The following SCN10A variants were observed in gnomAD, a reference collection of about 807,000 sequenced individuals.
The protein encoded by SCN10A is sodium channel protein type 10 subunit alpha.
SCN10A carries 162 observed loss-of-function variants against 170.7 expected under a neutral mutation model. That is an observed-to-expected ratio of 0.95 (90% confidence interval 0.84 to 1.08). The LOEUF is 1.08. SCN10A is among the 50% of genes least tolerant of loss of function. SCN10A has a pLI of 0.00. For missense variants in SCN10A, 2,527 were observed against 2,436.9 expected, an observed-to-expected ratio of 1.04 and a Z score of -0.78; for synonymous variants, 985 against 904.6, an observed-to-expected ratio of 1.09 and a Z score of -1.59.
intron 21 of SCN10A, among the ~76,000 whole-genome samples, chr3:38,714,906 ATCTTAGC>A (rs1478984106): frequency 1.3e-5 from 2 of 152,172 alleles, no homozygotes; most frequent in Non-Finnish European, 2.9e-5. Flanking sequence ...GTCCTGTGAG[ATCTTAGC>A]CACACCACAG....
intron 13 of SCN10A, among the ~76,000 whole-genome samples, chr3:38,748,275 T>A (rs1455583640): frequency 6.6e-6 from 1 of 152,170 alleles, no homozygotes; most frequent in South Asian, 2.1e-4. Context: ...AAGTACAGAC[T>A]CTATTACAAT....
intron 25 of SCN10A, among the ~76,000 whole-genome samples, chr3:38,708,330 A>G (rs536446347): frequency 1.3e-5 from 2 of 152,268 alleles, no homozygotes; most frequent in African/African-American, 2.4e-5. Context: ...TCACTAGCTC[A>G]TCTCCTTCCG....
intron 1 of SCN10A, among the ~76,000 whole-genome samples, chr3:38,795,281 C>T (rs1417638683): frequency 2.0e-5 from 3 of 151,882 alleles, no homozygotes; most frequent in Admixed American, 6.6e-5. Context: ...CAAGAGATTG[C>T]CTTGTGGCTA....
At chr3:38,765,728 T>G (rs2063925025) in intron 5 of SCN10A, among the ~76,000 whole-genome samples, 1 of 152,192 alleles carries the variant, frequency 6.6e-6, no homozygotes, top group Non-Finnish European at 1.5e-5. Flanking sequence ...CTATGAATTT[T>G]AGGGTTGTTA....
chr3:38,735,327 C>T (rs1200546764), intron 15 of SCN10A, among the ~76,000 whole-genome samples: 1 of 151,892 alleles, frequency 6.6e-6, no homozygotes, highest in Non-Finnish European at 1.5e-5. Flanking sequence ...TATCAAAATG[C>T]TAGCCAAAAA....
chr3:38,763,402 G>A (rs2063897417), intron 6 of SCN10A, 103 bp downstream of exon 6: 7 of 880,388 alleles, frequency 8.0e-6, no homozygotes, highest in South Asian at 2.9e-5. Flanking sequence ...CTTGTAAGTG[G>A]GGACAATAGT....
intron 26 of SCN10A, among the ~76,000 whole-genome samples, chr3:38,706,594 C>A (rs1031661901): frequency 6.6e-6 from 1 of 152,150 alleles, no homozygotes; most frequent in Non-Finnish European, 1.5e-5. Flanking sequence ...CTCTCAGAGG[C>A]TTGATGTTTT....
intron 1 of SCN10A, among the ~76,000 whole-genome samples, chr3:38,803,771 G>T (rs1479069612): frequency 2.0e-5 from 3 of 151,842 alleles, no homozygotes; most frequent in Admixed American, 2.0e-4. Context: ...CACATTGTGC[G>T]CATGTACCCT....
chr3:38,723,339 T>G, intron 19 of SCN10A, 91 bp downstream of exon 19: 9 of 1,509,582 alleles, frequency 6.0e-6, no homozygotes, highest in Non-Finnish European at 8.2e-6. Context: ...ACAGCTTGTT[T>G]GTCTTCTGTG....
At chr3:38,760,654 G>T (rs370435340) in intron 8 of SCN10A, 27 bp downstream of exon 8, 4 of 1,587,076 alleles carry the variant, frequency 2.5e-6, no homozygotes, top group Non-Finnish European at 3.5e-6. Context: ...TTGGGCACTC[G>T]TGCTTTGTCA....
At chr3:38,813,560 G>A (rs998369156) in intron 1 of SCN10A, among the ~76,000 whole-genome samples, 7 of 152,102 alleles carry the variant, frequency 4.6e-5, no homozygotes, top group African/African-American at 1.2e-4. Context: ...TTGATGAAAC[G>A]GACCCTAACC....
intron 1 of SCN10A, among the ~76,000 whole-genome samples, chr3:38,815,548 A>G (rs935546703): frequency 5.3e-5 from 8 of 152,188 alleles, no homozygotes; most frequent in African/African-American, 1.9e-4. Flanking sequence ...AGTTTAGGAC[A>G]AAACGTCTTG....
rs994631841 is a variant in SCN10A at position 38,789,106 on chromosome 3, T to C, written c.390-70A>G. 5 of 858,640 alleles carry C rather than the reference T, an allele frequency of 5.8e-6. No individual in the cohort carries two copies. In the African/African-American group the frequency reaches 6.7e-5, roughly 11 times the overall value. 53.2% of individuals were successfully genotyped at this position (858,640 alleles called of 1,614,324 possible). On this transcript the variant is annotated intron_variant, in intron 3 of 27. Coordinates refer to ENST00000449082, the MANE Select transcript of SCN10A (RefSeq NM_006514.4). The stretch of plus-strand genomic sequence containing the variant: ...GTGATGTCATCTAGGATCACCTTGA[T>C]GCTGAATGATTACATTCATAAATCT...
At chr3:38,736,361 C>CTGTGTGTGTGTGTGTGTG (rs68001863) in intron 15 of SCN10A, among the ~76,000 whole-genome samples, 13 of 139,358 alleles carry the variant, frequency 9.3e-5, no homozygotes, top group African/African-American at 2.1e-4. Context: ...TAGGGAAACT[C>CTGTGTGTGTGTGTGTGTG]TGTGTGTGTG....
At chr3:38,739,299 AG>A (rs1447729728) in intron 15 of SCN10A, among the ~76,000 whole-genome samples, 1 of 152,178 alleles carries the variant, frequency 6.6e-6, no homozygotes, top group Non-Finnish European at 1.5e-5. Context: ...CAGATAAGGG[AG>A]CCAAGGCCCA....
intron 14 of SCN10A, 52 bp from the exon 15 acceptor site, chr3:38,739,740 A>T (rs2063611251): frequency 7.2e-7 from 1 of 1,383,576 alleles, no homozygotes; most frequent in African/African-American, 1.5e-5. Flanking sequence ...GGTCGGAGGC[A>T]ATGATAAAAA....
At chr3:38,805,074 T>C (rs2064397026) in intron 1 of SCN10A, among the ~76,000 whole-genome samples, 1 of 152,078 alleles carries the variant, frequency 6.6e-6, no homozygotes. Context: ...TGGGATATTG[T>C]TGTGACTGCA....
chr3:38,745,593 G>A (rs1451946930), intron 13 of SCN10A, among the ~76,000 whole-genome samples: 1 of 152,084 alleles, frequency 6.6e-6, no homozygotes, highest in Admixed American at 6.5e-5. Flanking sequence ...AAAATTGTCT[G>A]TACACCATAT....
rs1380972768 is a variant in SCN10A at position 38,696,867 on chromosome 3, G to A, written c.*482C>T. 2.4e-5 allele frequency: 4 copies of A among 167,674 alleles called. No individual in the cohort carries two copies. Among genetic ancestry groups the A allele is most frequent in the Non-Finnish European group, 4.0e-5 (3 of 75,570 alleles). 10.4% of individuals were successfully genotyped at this position (167,674 alleles called of 1,614,324 possible). On this transcript the variant is annotated 3_prime_UTR_variant, in exon 28 of 28. Coordinates refer to ENST00000449082, the MANE Select transcript of SCN10A (RefSeq NM_006514.4). ...AAGGCTTTTCATGACATAGGCCACA[G>A]GTGTTACCCTGGGTCAGAGCAGTTG... is the stretch of plus-strand genomic sequence containing the variant.
Sources: allele counts gnomAD v4.1 joint callset (sites outside exome capture counted in the v4.1 genomes callset), GRCh38; gene constraint gnomAD v4.1.1; transcripts MANE v1.5; gene names NCBI Gene and HGNC (gene_info 2026-07-23, HGNC 2026-07-21).